Variants in RXFP1 observed in about 807,000 individuals in gnomAD.
RXFP1 encodes the protein relaxin receptor 1.
Under a neutral mutation model 89.8 loss-of-function variants are expected in RXFP1, and 73 were observed. The observed-to-expected ratio is 0.81, with a 90% CI of 0.67 to 0.99. RXFP1 has a LOEUF of 0.99. Among genes scored for constraint, RXFP1 ranks in the 50% least tolerant of loss-of-function variants. The pLI, the probability that RXFP1 is intolerant of heterozygous loss-of-function variation, is 0.00. For missense variants in RXFP1, 793 were observed against 895.5 expected, an observed-to-expected ratio of 0.89 and a Z score of 1.46; for synonymous variants, 277 against 305.5, an observed-to-expected ratio of 0.91 and a Z score of 0.97.
intron 9 of RXFP1, among the ~76,000 whole-genome samples, chr4:158,619,897 G>A (rs1765285985): frequency 6.6e-6 from 1 of 152,084 alleles, no homozygotes; most frequent in African/African-American, 2.4e-5. Flanking sequence ...TATCACGGCA[G>A]GAAATGCTCT....
At chr4:158,599,817 A>G (rs932193965) in intron 4 of RXFP1, among the ~76,000 whole-genome samples, 13 of 152,236 alleles carry the variant, frequency 8.5e-5, no homozygotes, top group Admixed American at 6.5e-5. Flanking sequence ...TATTGGACCC[A>G]AATTTTAATA....
intron 1 of RXFP1, among the ~76,000 whole-genome samples, chr4:158,550,036 C>G (rs1749682509): frequency 2.0e-5 from 3 of 152,240 alleles, no homozygotes; most frequent in Non-Finnish European, 2.9e-5. Context: ...TTTGTCTGTG[C>G]CCTGCCCCCA....
intron 2 of RXFP1, among the ~76,000 whole-genome samples, chr4:158,579,041 A>G (rs1265139896): frequency 6.7e-6 from 1 of 148,660 alleles, no homozygotes; most frequent in East Asian, 2.0e-4. Flanking sequence ...TGTCCTCGCA[A>G]GAGACAGGAA....
chr4:158,527,938 A>G (rs897403885), intron 1 of RXFP1, among the ~76,000 whole-genome samples: 5 of 152,170 alleles, frequency 3.3e-5, no homozygotes, highest in South Asian at 4.1e-4. Flanking sequence ...AGGGCAAGAA[A>G]TATCAAAAGG....
chr4:158,639,120 G>A (rs986574857), intron 13 of RXFP1, 140 bp from the exon 14 acceptor site: 1 of 543,370 alleles, frequency 1.8e-6, no homozygotes, highest in Non-Finnish European at 3.3e-6. Context: ...TGGGGAAGTG[G>A]GTGGGTTGAG....
At chr4:158,647,435 T>C (rs1259085708) in intron 16 of RXFP1, among the ~76,000 whole-genome samples, 5 of 152,238 alleles carry the variant, frequency 3.3e-5, no homozygotes, top group Non-Finnish European at 7.3e-5. Flanking sequence ...CTCTTTGTTT[T>C]ACAATATGAA....
chr4:158,640,652 C>A (rs1409104601), intron 14 of RXFP1, among the ~76,000 whole-genome samples: 1 of 152,142 alleles, frequency 6.6e-6, no homozygotes, highest in Non-Finnish European at 1.5e-5. Flanking sequence ...CAAACACCTC[C>A]TACTGGGCCC....
intron 1 of RXFP1, among the ~76,000 whole-genome samples, chr4:158,569,960 A>C (rs1754687564): frequency 6.6e-6 from 1 of 152,184 alleles, no homozygotes; most frequent in Admixed American, 6.5e-5. Flanking sequence ...ATAGTTTTAA[A>C]GTTCTTATAG....
intron 1 of RXFP1, among the ~76,000 whole-genome samples, chr4:158,554,236 C>T (rs886712493): frequency 6.6e-6 from 1 of 152,144 alleles, no homozygotes; most frequent in African/African-American, 2.4e-5. Flanking sequence ...AGCTAAGAAA[C>T]CGTATTTTTA....
At chr4:158,587,438 T>A (rs1758515325) in intron 2 of RXFP1, among the ~76,000 whole-genome samples, 1 of 152,216 alleles carries the variant, frequency 6.6e-6, no homozygotes, top group African/African-American at 2.4e-5. Context: ...TAAATTCCAG[T>A]TAATAACAAC....
At chr4:158,606,856 G>A (rs1211305407) in intron 5 of RXFP1, among the ~76,000 whole-genome samples, 2 of 151,406 alleles carry the variant, frequency 1.3e-5, no homozygotes, top group Non-Finnish European at 2.9e-5. Context: ...CTGCAATTAT[G>A]GGCATAACCC....
chr4:158,555,391 C>T (rs888146536), intron 1 of RXFP1, among the ~76,000 whole-genome samples: 1 of 152,094 alleles, frequency 6.6e-6, no homozygotes, highest in Non-Finnish European at 1.5e-5. Context: ...GATAACCAGC[C>T]GTAGCATAGT....
intron 10 of RXFP1, among the ~76,000 whole-genome samples, chr4:158,627,504 GGTGTGTGT>G (rs35872724): frequency 0.1 from 14,347 of 143,364 alleles, 731 homozygotes; most frequent in Non-Finnish European, 0.11. Flanking sequence ...TGAGCCTTAG[GGTGTGTGT>G]GTGTGTGTGT....
chr4:158,627,312 C>G (rs1767052403), intron 10 of RXFP1, among the ~76,000 whole-genome samples: 1 of 152,084 alleles, frequency 6.6e-6, no homozygotes, highest in South Asian at 2.1e-4. Flanking sequence ...AAATCCAACT[C>G]TCCTATTCAC....
rs528614379 is a variant in RXFP1 at position 158,575,348 on chromosome 4, C to G, written c.187+2513C>G. On this transcript the variant is annotated intron_variant, in intron 2 of 17. Transcript: ENST00000307765. Reference sequence around the variant, plus strand: ...GGCAAAAAATGGCTTGTTTTCTTTTCTATAAAACAGGAATAATAAGAGTAT... The same window carrying G: ...GGCAAAAAATGGCTTGTTTTCTTTTGTATAAAACAGGAATAATAAGAGTAT... Among the ~76,000 whole-genome samples the G allele has an allele frequency of 2.6e-5, 4 of 152,172 alleles. No individual in the cohort carries two copies. In the East Asian group the frequency reaches 7.7e-4, roughly 29 times the overall value.
intron 1 of RXFP1, chr4:158,544,497 G>C: frequency 1.2e-5 from 4 of 331,982 alleles, no homozygotes; most frequent in Non-Finnish European, 1.7e-5. Context: ...TGTGCACAAT[G>C]TGCAGGTTTG....
rs148539435 is a variant in RXFP1, at chr4:158,598,401, C to T, written c.287-925C>T. On this transcript the variant is annotated intron_variant, in intron 3 of 17. Transcript: ENST00000307765. ...CACAGTCTACAGTGACATTGCCTGA[C>T]CGCTGGAGACACTGGAGTCTGTAAC... is the stretch of plus-strand genomic sequence containing the variant. Among the ~76,000 whole-genome samples, 122 of 152,184 alleles carry T rather than the reference C, an allele frequency of 8.0e-4. 1 individual carries two copies. The highest frequency in any genetic ancestry group is 2.9e-3 in the African/African-American group (120 of 41,514).
At chr4:158,568,133 A>G (rs1754109155) in intron 1 of RXFP1, among the ~76,000 whole-genome samples, 5 of 152,198 alleles carry the variant, frequency 3.3e-5, no homozygotes, top group South Asian at 2.1e-4. Flanking sequence ...TGAGCCAGTG[A>G]GACCACGAAC....
chr4:158,576,298 C>A (rs1306510672), intron 2 of RXFP1, among the ~76,000 whole-genome samples: 1 of 152,076 alleles, frequency 6.6e-6, no homozygotes, highest in African/African-American at 2.4e-5. Context: ...CAGTGACTCA[C>A]ACCTGTAATC....
Sources: gnomAD v4.1 joint callset for allele counts (sites outside exome capture counted in the v4.1 genomes callset) on GRCh38, gnomAD v4.1.1 for gene constraint, MANE v1.5 for transcripts, NCBI Gene and HGNC (gene_info 2026-07-23, HGNC 2026-07-21) for gene names.